PDE6B: variants seen among roughly 807,000 people sequenced by gnomAD.
The protein encoded by PDE6B is rod cGMP-specific 3',5'-cyclic phosphodiesterase subunit beta.
PDE6B carries 106 observed loss-of-function variants against 109.0 expected under a neutral mutation model. The ratio of observed to expected loss-of-function variants is 0.97; its 90% CI spans 0.83 to 1.14. The LOEUF (loss-of-function observed/expected upper bound fraction) is 1.14. Ranked by LOEUF, PDE6B falls within the 50% of genes most tolerant of loss-of-function variation. The probability of loss-of-function intolerance (pLI) is 0.00; values close to 1 mark genes in which losing one functional copy is unlikely to be tolerated. For synonymous variants in PDE6B, 490 were observed against 471.3 expected (o/e 1.04, Z -0.51); for missense variants, 1,193 against 1,155.6 (o/e 1.03, Z -0.47).
At chr4:654,706 C>T (rs1180500626) in intron 5 of PDE6B, 118 bp from the exon 6 acceptor site, 10 of 783,808 alleles carry the variant, frequency 1.3e-5, no homozygotes, top group South Asian at 2.7e-5. Context: ...TGCACGGTTA[C>T]GTGTGTGGGG....
chr4:663,813 A>T lies in PDE6B; in HGVS notation c.1964A>T (p.His655Leu), dbSNP rs758919065. 1.9e-6 allele frequency: 3 copies of T among 1,612,292 alleles called. No homozygotes were observed. The highest frequency in any genetic ancestry group is 2.5e-6 in the Non-Finnish European group (3 of 1,179,350). Residue 655 changes from histidine to leucine, a missense_variant, in exon 16 of 22, where the codon CAC becomes CTC. His to Leu is a moderately conservative substitution (Grantham distance 99). Coordinates refer to ENST00000496514, the MANE Select transcript of PDE6B (RefSeq NM_000283.4). This position sits in a 1 kb window ranked among gnomAD's most constrained non-coding sequence, Gnocchi z 4.0. ...AACCTGAACCGGCGGCAGCACGAGC[A>T]CGTGATCCACCTGATGGACATCGCC... ...YQNLNRRQHE[H>L]VIHLMDIAII...
At chr4:635,421 G>A (rs1266370429) in intron 2 of PDE6B, among the ~76,000 whole-genome samples, 14 of 112,850 alleles carry the variant, frequency 1.2e-4, no homozygotes, top group Admixed American at 6.9e-4. Context: ...TGTGCTGTGC[G>A]TCCACCTCCT....
intron 3 of PDE6B, among the ~76,000 whole-genome samples, chr4:639,333 G>C (rs530548962): frequency 1.3e-5 from 2 of 151,964 alleles, no homozygotes; most frequent in East Asian, 1.9e-4. Flanking sequence ...TTAGAGACAG[G>C]GTCTTGCTGT....
chr4:654,210 C>T, intron 5 of PDE6B, 56 bp downstream of exon 5: 2 of 1,479,284 alleles, frequency 1.4e-6, no homozygotes, highest in Non-Finnish European at 1.9e-6. Context: ...TTCCCTGACT[C>T]CAACTCCAGG....
In PDE6B at chr4:658,990, C is replaced by G. The variant is rs755308738; in HGVS notation, c.1440C>G (p.Cys480Trp). 3 of 1,613,386 alleles carry G rather than the reference C, an allele frequency of 1.9e-6. No individual in the cohort carries two copies. Among genetic ancestry groups the G allele is most frequent in the Non-Finnish European group, 2.5e-6 (3 of 1,179,628 alleles). The change falls in exon 11 of 22, where the codon TGC becomes TGG. Residue 480 changes from cysteine to tryptophan, a missense_variant. Transcript: ENST00000496514. ...RARLGKEPAD[C>W]DEDELGEILK... ...GCCTGGGGAAGGAGCCTGCTGACTG[C>G]GATGAGGACGAGCTGGGCGAAATCC...
In PDE6B at chr4:665,996, A is replaced by G. The variant is rs906250163; in HGVS notation, c.2269-535A>G. ...CAGCAAAGCCCCACAGGGGAAGGAC[A>G]GGCAGCAGGTCCATCCCCCGCGCCC... On this transcript the variant is annotated intron_variant, in intron 19 of 21. Transcript: ENST00000496514. This position sits in a 1 kb window ranked among gnomAD's most constrained non-coding sequence, Gnocchi z 4.0. 2.6e-5 allele frequency among the ~76,000 whole-genome samples: 4 copies of G among 152,154 alleles called. No individual in the cohort carries two copies. The highest frequency in any genetic ancestry group is 9.7e-5 in the African/African-American group (4 of 41,426).
intron 3 of PDE6B, among the ~76,000 whole-genome samples, chr4:649,572 C>T (rs1735389469): frequency 3.3e-5 from 5 of 152,214 alleles, no homozygotes; most frequent in Admixed American, 3.3e-4. Flanking sequence ...CTTATGCTGA[C>T]CACAGCCTGG....
chr4:650,901 A>G (rs1260958936), intron 3 of PDE6B, among the ~76,000 whole-genome samples: 3 of 152,250 alleles, frequency 2.0e-5, no homozygotes, highest in Admixed American at 6.5e-5. Context: ...TGTGTGCACC[A>G]GCAGGCTTTT....
chr4:664,092 C>T, intron 16 of PDE6B, 22 bp from the exon 17 acceptor site: 1 of 1,520,178 alleles, frequency 6.6e-7, no homozygotes, highest in Middle Eastern at 1.7e-4. Context: ...CCACCTGCAC[C>T]TCCCTTGTTC....
Position 665,718 on chromosome 4 carries a change from C to T in PDE6B, c.2268+389C>T, listed in dbSNP as rs1291039633. ...CGGGCCCACACAGTGGTATGATGGA[C>T]AATGCCAGGGTCCTCAGGTCAGCAG... On this transcript the variant is annotated intron_variant, in intron 19 of 21. Transcript: ENST00000496514. The surrounding 1 kb of genome is among the most constrained non-coding windows in gnomAD (Gnocchi z 4.0). Among the ~76,000 whole-genome samples the T allele has an allele frequency of 2.0e-5, 3 of 152,302 alleles. No homozygotes were observed. Among genetic ancestry groups the T allele is most frequent in the East Asian group, 3.9e-4 (2 of 5,166 alleles).
At position 667,943 on chromosome 4, in the gene PDE6B, T is replaced by C. The variant is rs758425161; in HGVS notation, c.2440T>C (p.Tyr814His). 6.2e-7 allele frequency: 1 copy of C among 1,612,996 alleles called. No individual in the cohort carries two copies. The highest frequency in any genetic ancestry group is 1.1e-5 in the South Asian group (1 of 91,056). Residue 814 changes from tyrosine (Y) to histidine (H), a missense_variant, in exon 21 of 22, where the codon TAT becomes CAT. Tyr to His is a moderately conservative substitution (Grantham distance 83, BLOSUM62 2). Transcript: ENST00000496514. The part of the protein sequence containing the change: ...RKEWKALADE[Y>H]EAKVKALEEK... Reference sequence around the variant, plus strand: ...AGAGTGGAAGGCGCTGGCTGATGAGTATGAGGCCAAAGTGAAGGCTCTGGA... The same window carrying C: ...AGAGTGGAAGGCGCTGGCTGATGAGCATGAGGCCAAAGTGAAGGCTCTGGA...
intron 5 of PDE6B, chr4:654,367 G>T (rs76053478): frequency 1.5e-6 from 1 of 676,022 alleles, no homozygotes; most frequent in Non-Finnish European, 2.7e-6. Flanking sequence ...AATGAGGGCC[G>T]CCAGGCTGGT....
chr4:661,929 T>A, intron 12 of PDE6B: 1 of 612,026 alleles, frequency 1.6e-6, no homozygotes, highest in Non-Finnish European at 3.0e-6. Context: ...CTCCACCCCA[T>A]AGGTGCCAAT....
chr4:637,433 C>T (rs1340102298), intron 3 of PDE6B, among the ~76,000 whole-genome samples: 1 of 152,120 alleles, frequency 6.6e-6, no homozygotes, highest in Non-Finnish European at 1.5e-5. Context: ...GTTGGCCAGG[C>T]TGGTCTCCAA....
rs1051593315 is a variant in PDE6B at position 662,721 on chromosome 4, C to T, written c.1832+103C>T. On this transcript the variant is annotated intron_variant, in intron 14 of 21. Transcript: ENST00000496514. This position sits in a 1 kb window ranked among gnomAD's most constrained non-coding sequence, Gnocchi z 4.3. ...CAGGCTATGTAGAAAGTGGAGTCCA[C>T]GGCCAGGCCCCGTACTCCAGCACTG... 13 of 794,622 alleles carry T rather than the reference C, an allele frequency of 1.6e-5. No homozygotes were observed. The highest frequency in any genetic ancestry group is 5.7e-5 in the South Asian group (4 of 70,534). The allele number at this position is 794,622 out of a possible 1,614,324, so 49.2% of individuals were successfully genotyped here.
chr4:661,816 C>A, intron 12 of PDE6B: 1 of 406,062 alleles, frequency 2.5e-6, no homozygotes, highest in South Asian at 2.1e-5. Flanking sequence ...TTAAAATATG[C>A]TGCATCCCCA....
chr4:657,785 G>A (rs1478766571), intron 10 of PDE6B, among the ~76,000 whole-genome samples: 1 of 143,140 alleles, frequency 7.0e-6, no homozygotes, highest in Non-Finnish European at 1.5e-5. Flanking sequence ...GCAGAGGCAG[G>A]TCATCCAGGG....
intron 11 of PDE6B, 111 bp downstream of exon 11, chr4:659,128 G>T: frequency 1.3e-6 from 1 of 789,354 alleles, no homozygotes; most frequent in Non-Finnish European, 2.2e-6. Flanking sequence ...CGGTCATCAG[G>T]GATGTTGGTG....
intron 1 of PDE6B, among the ~76,000 whole-genome samples, chr4:627,695 A>C (rs1433813748): frequency 2.2e-4 from 13 of 58,482 alleles, no homozygotes; most frequent in East Asian, 5.4e-4. Context: ...CTCTCCTGCC[A>C]CCCTCCTCCC....
Sources: allele counts gnomAD v4.1 joint callset (sites outside exome capture counted in the v4.1 genomes callset), GRCh38; gene constraint gnomAD v4.1.1; non-coding constraint Gnocchi (gnomAD v3.1); transcripts MANE v1.5; gene names NCBI Gene and HGNC (gene_info 2026-07-23, HGNC 2026-07-21).